Variants in LRRC7 observed in about 807,000 individuals in gnomAD.
LRRC7 encodes the protein leucine rich repeat containing 7, also known as leucine-rich repeat-containing protein 7.
A neutral mutation model predicts 175.7 loss-of-function variants in LRRC7; 23 were observed. The ratio of observed to expected loss-of-function variants is 0.13; its 90% confidence interval spans 0.09 to 0.19. LRRC7 has a LOEUF of 0.19. Among genes scored for constraint, LRRC7 ranks in the 10% least tolerant of loss-of-function variants. LRRC7 has a pLI of 1.00. For synonymous variants in LRRC7, 685 were observed against 680.9 expected (o/e 1.01, Z -0.09); for missense variants, 1,354 against 1,904.7 (o/e 0.71, Z 5.38).
At chr1:69,570,395 T>C (rs910478207) in intron 1 of LRRC7, among the ~76,000 whole-genome samples, 3 of 152,100 alleles carry the variant, frequency 2.0e-5, no homozygotes, top group Non-Finnish European at 4.4e-5. Context: ...GTGAACGGTT[T>C]GAAAGCTTCG....
At chr1:69,934,919 T>G (rs891743800) in intron 8 of LRRC7, among the ~76,000 whole-genome samples, 2 of 151,754 alleles carry the variant, frequency 1.3e-5, no homozygotes, top group African/African-American at 4.8e-5. Flanking sequence ...TAAAGGAGAG[T>G]GTCACTTAAG....
Position 69,645,305 on chromosome 1 carries a change from T to C in LRRC7, c.3-33076T>C, listed in dbSNP as rs576070386. 3.3e-5 allele frequency among the ~76,000 whole-genome samples: 5 copies of C among 152,164 alleles called. No individual in the cohort carries two copies. In the South Asian group the frequency reaches 1.0e-3, roughly 32 times the overall value. ...AATAATCAATTGTATTTCTGAAAAA[T>C]TTAAAACTGCATTAACTGTAGCATC... On this transcript the variant is annotated intron_variant, in intron 1 of 26. Coordinates refer to ENST00000651989, the MANE Select transcript of LRRC7 (RefSeq NM_001370785.2).
intron 2 of LRRC7, among the ~76,000 whole-genome samples, chr1:69,735,927 A>G (rs1384528187): frequency 2.0e-5 from 3 of 151,926 alleles, no homozygotes; most frequent in Non-Finnish European, 2.9e-5. Context: ...TTGGGTCATG[A>G]ATTTATTTTT....
chr1:70,137,918 T>G lies in LRRC7; in HGVS notation c.*16031T>G, dbSNP rs1470367633. Among the ~76,000 whole-genome samples the G allele has an allele frequency of 6.6e-6, 1 of 152,266 alleles. No individual in the cohort carries two copies. The stretch of plus-strand genomic sequence containing the variant: ...AGAGAATATTAATAGTCCATATGGC[T>G]TTATTTCCAACAAAATCCCAGAGTT... On this transcript the variant is annotated 3_prime_UTR_variant, in exon 27 of 27. Transcript: ENST00000651989.
chr1:70,130,694 G>T lies in LRRC7; in HGVS notation c.*8807G>T, dbSNP rs1325953159. 6.6e-6 allele frequency among the ~76,000 whole-genome samples: 1 copy of T among 152,154 alleles called. No individual in the cohort carries two copies. Among genetic ancestry groups the T allele is most frequent in the African/African-American group, 2.4e-5 (1 of 41,434 alleles). On this transcript the variant is annotated 3_prime_UTR_variant, in exon 27 of 27. Coordinates refer to ENST00000651989, the MANE Select transcript of LRRC7 (RefSeq NM_001370785.2). ...TGGAGCACACCATATCTATCCTTTT[G>T]ATTTGATTGGGTTTCCTTTCTCTTT...
intron 24 of LRRC7, among the ~76,000 whole-genome samples, chr1:70,087,925 A>G (rs560352559): frequency 6.6e-6 from 1 of 152,294 alleles, no homozygotes; most frequent in Admixed American, 6.5e-5. Flanking sequence ...TCTAGTGACA[A>G]TATGTGCTAA....
intron 11 of LRRC7, among the ~76,000 whole-genome samples, chr1:70,000,553 A>G (rs759025497): frequency 1.1e-4 from 17 of 152,152 alleles, no homozygotes; most frequent in Non-Finnish European, 2.5e-4. Flanking sequence ...CCATTCAGTA[A>G]TCGTACCACT....
chr1:69,574,618 A>G (rs1056672177), intron 1 of LRRC7, among the ~76,000 whole-genome samples: 1 of 152,208 alleles, frequency 6.6e-6, no homozygotes, highest in Admixed American at 6.6e-5. Flanking sequence ...TATGTCACAG[A>G]TGGCGTAACT....
At chr1:69,726,752 C>G (rs1487367798) in intron 2 of LRRC7, among the ~76,000 whole-genome samples, 3 of 151,144 alleles carry the variant, frequency 2.0e-5, no homozygotes, top group African/African-American at 7.3e-5. Flanking sequence ...TGTAAGAGGG[C>G]CAGAGTCAAT....
chr1:69,888,847 C>T (rs1182618587), intron 7 of LRRC7, among the ~76,000 whole-genome samples: 1 of 152,132 alleles, frequency 6.6e-6, no homozygotes, highest in Middle Eastern at 3.4e-3. Context: ...CACTGGAGAC[C>T]TAATGTACAG....
At chr1:69,626,634 A>T (rs1247146731) in intron 1 of LRRC7, among the ~76,000 whole-genome samples, 1 of 151,846 alleles carries the variant, frequency 6.6e-6, no homozygotes, top group Non-Finnish European at 1.5e-5. Flanking sequence ...TTACATACAT[A>T]TACATTTGCC....
intron 4 of LRRC7, among the ~76,000 whole-genome samples, chr1:69,820,050 G>T (rs1045606777): frequency 1.3e-5 from 2 of 151,744 alleles, no homozygotes; most frequent in Non-Finnish European, 2.9e-5. Context: ...GATAGGTAAG[G>T]ACTTACTATT....
At chr1:69,639,123 A>G (rs1653821065) in intron 1 of LRRC7, among the ~76,000 whole-genome samples, 1 of 151,842 alleles carries the variant, frequency 6.6e-6, no homozygotes, top group Admixed American at 6.6e-5. Flanking sequence ...GGATAATATC[A>G]AAGACTAATT....
chr1:69,591,476 G>C (rs1421278989), intron 1 of LRRC7, among the ~76,000 whole-genome samples: 1 of 151,958 alleles, frequency 6.6e-6, no homozygotes, highest in African/African-American at 2.4e-5. Flanking sequence ...CACATACTTT[G>C]AAGGAAGGCC....
chr1:69,716,884 C>T (rs1033435943), intron 2 of LRRC7, among the ~76,000 whole-genome samples: 6 of 151,626 alleles, frequency 4.0e-5, no homozygotes, highest in African/African-American at 1.5e-4. Flanking sequence ...CTCATTGCTC[C>T]ATATTAAAGT....
chr1:69,997,477 C>T (rs1274892489), intron 11 of LRRC7, among the ~76,000 whole-genome samples: 2 of 151,634 alleles, frequency 1.3e-5, no homozygotes, highest in Admixed American at 6.6e-5. Flanking sequence ...CTGTCTTGTG[C>T]CAGTTTTCAA....
chr1:70,121,428 C>T (rs1317514472), intron 26 of LRRC7, among the ~76,000 whole-genome samples: 3 of 151,942 alleles, frequency 2.0e-5, no homozygotes. Flanking sequence ...AAGGTAATGG[C>T]CATATGCCCC....
At chr1:69,633,362 C>T (rs1440760922) in intron 1 of LRRC7, among the ~76,000 whole-genome samples, 1 of 151,908 alleles carries the variant, frequency 6.6e-6, no homozygotes, top group African/African-American at 2.4e-5. Flanking sequence ...AATTATATTA[C>T]TGTATCTGTC....
chr1:69,805,811 A>C (rs1677050367), intron 4 of LRRC7, among the ~76,000 whole-genome samples: 1 of 151,922 alleles, frequency 6.6e-6, no homozygotes, highest in African/African-American at 2.4e-5. Flanking sequence ...TAAAATAAAC[A>C]AATAATGCCT....
Sources: allele counts gnomAD v4.1 joint callset (sites outside exome capture counted in the v4.1 genomes callset), GRCh38; gene constraint gnomAD v4.1.1; transcripts MANE v1.5; gene names NCBI Gene and HGNC (gene_info 2026-07-23, HGNC 2026-07-21).